SPIDR: variants seen among roughly 807,000 people sequenced by gnomAD.
The protein encoded by SPIDR is DNA repair-scaffolding protein.
SPIDR carries 93 observed loss-of-function variants against 104.6 expected under a neutral mutation model. That is an observed-to-expected ratio of 0.89 (90% CI 0.75 to 1.06). The LOEUF is 1.06. SPIDR is among the 50% of genes least tolerant of loss of function. The pLI, the probability that SPIDR is intolerant of heterozygous loss-of-function variation, is 0.00. For synonymous variants in SPIDR, 431 were observed against 416.9 expected (o/e 1.03, Z -0.41); for missense variants, 1,154 against 1,111.2 (o/e 1.04, Z -0.55).
At position 47,518,105 on chromosome 8, in the gene SPIDR, G is replaced by A. The variant is rs898424587; in HGVS notation, c.1097+77563G>A. 7.9e-5 allele frequency among the ~76,000 whole-genome samples: 12 copies of A among 152,312 alleles called. 1 individual carries two copies. In the East Asian group the frequency reaches 2.3e-3, roughly 29 times the overall value. On this transcript the variant is annotated intron_variant, in intron 8 of 19. Transcript: ENST00000297423. ...ATTTAAAGTAATTGTAGGCTATTCA[G>A]TGAGTATTCACAGATATTCTCCATG...
chr8:47,675,922 G>A (rs1341684140), intron 11 of SPIDR, among the ~76,000 whole-genome samples: 11 of 152,198 alleles, frequency 7.2e-5, no homozygotes, highest in Non-Finnish European at 1.5e-4. Context: ...TCTTTCACTC[G>A]GCTGCCACCC....
At chr8:47,288,686 A>G (rs1461526444) in intron 3 of SPIDR, among the ~76,000 whole-genome samples, 3 of 152,256 alleles carry the variant, frequency 2.0e-5, no homozygotes, top group African/African-American at 7.2e-5. Context: ...TTAGATAGAT[A>G]TAGATTCTTA....
At chr8:47,723,025 A>ATTG (rs369381394) in intron 16 of SPIDR, among the ~76,000 whole-genome samples, 2,741 of 150,698 alleles carry the variant, frequency 0.018, 31 homozygotes, top group African/African-American at 0.025. Context: ...TGTTGTTGTT[A>ATTG]TTGTTGTTGT....
intron 5 of SPIDR, among the ~76,000 whole-genome samples, chr8:47,316,606 G>A (rs374567283): frequency 2.0e-5 from 3 of 152,126 alleles, no homozygotes; most frequent in East Asian, 3.9e-4. Context: ...ACACAAAAGA[G>A]TACATTCTGT....
At chr8:47,323,544 C>G (rs1449688436) in intron 5 of SPIDR, among the ~76,000 whole-genome samples, 2 of 152,210 alleles carry the variant, frequency 1.3e-5, no homozygotes, top group Non-Finnish European at 2.9e-5. Context: ...ATCCTAGGCT[C>G]AGATCTCCAT....
At chr8:47,262,347 AGTC>A (rs1328724459) in intron 1 of SPIDR, among the ~76,000 whole-genome samples, 2 of 152,054 alleles carry the variant, frequency 1.3e-5, no homozygotes, top group African/African-American at 4.8e-5. Context: ...TTTTTTTAGT[AGTC>A]GTACAGTTGT....
intron 8 of SPIDR, among the ~76,000 whole-genome samples, chr8:47,581,659 C>T (rs1321264681): frequency 6.6e-6 from 1 of 152,066 alleles, no homozygotes; most frequent in East Asian, 1.9e-4. Context: ...CCAAGCATGC[C>T]TTCCATGAAA....
At chr8:47,735,111 G>GGTGGGTGTGT (rs756347965) in intron 19 of SPIDR, among the ~76,000 whole-genome samples, 196 bp from the exon 20 acceptor site, 1 of 135,182 alleles carries the variant, frequency 7.4e-6, no homozygotes, top group South Asian at 2.2e-4. Context: ...TGTGTGTGTG[G>GGTGGGTGTGT]GTGTGTGTGT....
At chr8:47,512,037 A>C (rs1035509878) in intron 8 of SPIDR, 1 of 713,542 alleles carries the variant, frequency 1.4e-6, no homozygotes, top group Non-Finnish European at 2.5e-6. Context: ...TCGCTAGCGC[A>C]ATCTGCAAGT....
chr8:47,433,937 G>A (rs1347322470), intron 7 of SPIDR, among the ~76,000 whole-genome samples: 6 of 152,156 alleles, frequency 3.9e-5, no homozygotes, highest in Non-Finnish European at 8.8e-5. Context: ...ACAATGCTAG[G>A]AGCCCCAAAA....
intron 10 of SPIDR, among the ~76,000 whole-genome samples, chr8:47,624,220 G>A (rs1244208801): frequency 6.6e-6 from 1 of 152,136 alleles, no homozygotes; most frequent in Non-Finnish European, 1.5e-5. Flanking sequence ...CAGAATCTCT[G>A]GGACACATTC....
intron 5 of SPIDR, among the ~76,000 whole-genome samples, chr8:47,341,563 G>A (rs2050762010): frequency 6.6e-6 from 1 of 151,808 alleles, no homozygotes; most frequent in South Asian, 2.1e-4. Flanking sequence ...TTTTTTCTCA[G>A]TTTAATGTTT....
chr8:47,593,147 A>C (rs1041050887), intron 8 of SPIDR, among the ~76,000 whole-genome samples: 2 of 152,112 alleles, frequency 1.3e-5, no homozygotes, highest in Admixed American at 1.3e-4. Context: ...CGGCCTCCCA[A>C]AACACTGGGA....
intron 8 of SPIDR, among the ~76,000 whole-genome samples, chr8:47,519,175 G>A (rs561159791): frequency 8.0e-5 from 12 of 150,872 alleles, no homozygotes; most frequent in East Asian, 6.0e-4. Context: ...ACAGAGTTTC[G>A]CTCTTGTTGC....
At chr8:47,262,847 T>C (rs576892330) in intron 1 of SPIDR, among the ~76,000 whole-genome samples, 1 of 152,292 alleles carries the variant, frequency 6.6e-6, no homozygotes, top group Admixed American at 6.5e-5. Flanking sequence ...AAGTACTTAA[T>C]GGTTGGAGTG....
At chr8:47,411,565 G>T (rs183414749) in intron 7 of SPIDR, among the ~76,000 whole-genome samples, 12 of 152,300 alleles carry the variant, frequency 7.9e-5, no homozygotes, top group African/African-American at 2.9e-4. Flanking sequence ...AGCTTTGTCA[G>T]ATGAGTAGAT....
At chr8:47,635,329 G>A (rs947258555) in intron 10 of SPIDR, among the ~76,000 whole-genome samples, 4 of 152,120 alleles carry the variant, frequency 2.6e-5, no homozygotes, top group Non-Finnish European at 5.9e-5. Context: ...GGGTGACAGA[G>A]TGACTGTCTC....
intron 8 of SPIDR, among the ~76,000 whole-genome samples, chr8:47,577,961 T>C (rs904974610): frequency 1.3e-5 from 2 of 152,156 alleles, no homozygotes; most frequent in Non-Finnish European, 2.9e-5. Context: ...AGATAAAGAT[T>C]TATGGTTGGC....
At chr8:47,487,226 T>G (rs1434378956) in intron 8 of SPIDR, among the ~76,000 whole-genome samples, 1 of 152,050 alleles carries the variant, frequency 6.6e-6, no homozygotes, top group Non-Finnish European at 1.5e-5. Flanking sequence ...TGAAACAGAC[T>G]TTAAACCAAC....
Sources: gnomAD v4.1 joint callset for allele counts (sites outside exome capture counted in the v4.1 genomes callset) on GRCh38, gnomAD v4.1.1 for gene constraint, MANE v1.5 for transcripts, NCBI Gene and HGNC (gene_info 2026-07-23, HGNC 2026-07-21) for gene names.